The following DOCK8 variants were observed in gnomAD, a reference collection of about 807,000 sequenced individuals.
DOCK8 encodes the protein dedicator of cytokinesis protein 8.
DOCK8 carries 141 observed loss-of-function variants against 245.6 expected under a neutral mutation model. The observed-to-expected ratio is 0.57, with a 90% CI of 0.50 to 0.66. DOCK8 has a LOEUF of 0.66. Ranked by LOEUF, DOCK8 falls within the 30% of genes least tolerant of loss-of-function variation. DOCK8 has a pLI of 0.00. For missense variants in DOCK8, 2,965 were observed against 2,603.4 expected (o/e 1.14, Z -3.02); for synonymous variants, 1,168 against 970.2 (o/e 1.20, Z -3.79).
chr9:403,992 G>GTATA (rs1210095258), intron 26 of DOCK8, among the ~76,000 whole-genome samples: 12 of 68,462 alleles, frequency 1.8e-4, no homozygotes, highest in African/African-American at 9.8e-4. Context: ...ATATATATAT[G>GTATA]TGTATATATA....
intron 1 of DOCK8, among the ~76,000 whole-genome samples, chr9:264,475 T>TA (rs1248197474): frequency 3.3e-5 from 5 of 152,224 alleles, no homozygotes; most frequent in Non-Finnish European, 4.4e-5. Flanking sequence ...GTTGTACAGT[T>TA]ATGGCTTGTC....
At chr9:421,861 T>A (rs549409348) in intron 32 of DOCK8, among the ~76,000 whole-genome samples, 187 bp from the exon 33 acceptor site, 9 of 152,166 alleles carry the variant, frequency 5.9e-5, no homozygotes. Flanking sequence ...TTCTAGTCTA[T>A]CAATCAAAGA....
upstream of DOCK8, chr9:214,502 C>T (rs749047985): frequency 6.2e-7 from 1 of 1,612,542 alleles, no homozygotes; most frequent in Non-Finnish European, 8.5e-7. Context: ...CTTAATAACA[C>T]CTAGCCTTAC....
chr9:399,185 T>G lies in DOCK8; in HGVS notation c.3160T>G (p.Phe1054Val), dbSNP rs775539457. The change falls in exon 26 of 48, where the codon TTC becomes GTC. Residue 1054 changes from phenylalanine to valine, a missense_variant. Phe to Val is a conservative substitution (Grantham distance 50). Transcript: ENST00000432829. ...GGAAAAGATGAACATCAGCCTGGCT[T>G]TCTTCTTGTATGACCTTCTCTCCCT... ...QAEKMNISLAFFLYDLLSLMD... is the reference protein window; with the variant it reads ...QAEKMNISLAVFLYDLLSLMD... The G allele has an allele frequency of 1.9e-6, 3 of 1,614,070 alleles. No homozygotes were observed. The Admixed American group carries it at 5.0e-5, about 27-fold the overall frequency.
chr9:304,916 A>G (rs1480553091), intron 5 of DOCK8, among the ~76,000 whole-genome samples: 1 of 147,780 alleles, frequency 6.8e-6, no homozygotes, highest in African/African-American at 2.4e-5. Flanking sequence ...AATGATTAAA[A>G]TAGAAAAAAG....
intron 7 of DOCK8, among the ~76,000 whole-genome samples, chr9:323,876 A>G (rs1481635064): frequency 6.6e-6 from 1 of 152,216 alleles, no homozygotes; most frequent in Non-Finnish European, 1.5e-5. Flanking sequence ...CATTGTATAT[A>G]TGTAGCATAT....
intron 1 of DOCK8, among the ~76,000 whole-genome samples, chr9:255,815 A>G (rs960439497): frequency 6.6e-6 from 1 of 152,162 alleles, no homozygotes; most frequent in Admixed American, 6.5e-5. Context: ...TTATACAACA[A>G]ACATAGTATT....
chr9:398,483 AT>A (rs1307132756), intron 25 of DOCK8, among the ~76,000 whole-genome samples: 2 of 152,220 alleles, frequency 1.3e-5, no homozygotes, highest in African/African-American at 4.8e-5. Flanking sequence ...GAAAAACTGA[AT>A]CCCAGATTGC....
Position 404,950 on chromosome 9 carries a change from C to T in DOCK8, c.3267C>T (p.Leu1089=). The T allele has an allele frequency of 1.2e-6, 2 of 1,614,078 alleles. No individual in the cohort carries two copies. Among genetic ancestry groups the T allele is most frequent in the South Asian group, 1.1e-5 (1 of 91,078 alleles). Residue 1089 remains leucine (L), a synonymous_variant, in exon 27 of 48, where the codon CTC becomes CTT. Transcript: ENST00000432829. ...CCAAGCTCAGTAACCTTCCAACGCT[C>T]ATTTCCATGAGGCTAGAGTTCCTGA... is the stretch of plus-strand genomic sequence containing the variant. The part of the protein sequence containing the change: ...LSAKLSNLPT[L]ISMRLEFLRI...
At chr9:435,753 A>T (rs1158619922) in intron 39 of DOCK8, among the ~76,000 whole-genome samples, 2 of 152,220 alleles carry the variant, frequency 1.3e-5, no homozygotes, top group Non-Finnish European at 2.9e-5. Context: ...TCGGATGGGG[A>T]TGCTCAGTGG....
chr9:355,797 C>T (rs2052413287), intron 14 of DOCK8, among the ~76,000 whole-genome samples: 1 of 152,142 alleles, frequency 6.6e-6, no homozygotes, highest in African/African-American at 2.4e-5. Context: ...CCCTAACTCC[C>T]AACCGCACAC....
intron 22 of DOCK8, among the ~76,000 whole-genome samples, chr9:385,675 C>T (rs911300121): frequency 2.0e-5 from 3 of 152,162 alleles, no homozygotes; most frequent in Non-Finnish European, 2.9e-5. Flanking sequence ...CCCCTACCCC[C>T]CTGACAACTG....
chr9:355,853 A>G (rs1256560460), intron 14 of DOCK8, among the ~76,000 whole-genome samples: 1 of 152,238 alleles, frequency 6.6e-6, no homozygotes, highest in East Asian at 1.9e-4. Context: ...TATCAAATGT[A>G]CAGAGTACTG....
At chr9:335,077 G>C (rs1385444116) in intron 11 of DOCK8, among the ~76,000 whole-genome samples, 1 of 151,706 alleles carries the variant, frequency 6.6e-6, no homozygotes, top group Non-Finnish European at 1.5e-5. Context: ...GCATGACTTT[G>C]TCTCAAAAAA....
intron 5 of DOCK8, among the ~76,000 whole-genome samples, chr9:310,384 A>T (rs2050043247): frequency 2.6e-5 from 4 of 152,246 alleles, no homozygotes; most frequent in African/African-American, 9.6e-5. Context: ...TCACAAAGAA[A>T]TTAGTAACTT....
At chr9:393,114 A>AT (rs2054282270) in intron 24 of DOCK8, among the ~76,000 whole-genome samples, 2 of 125,680 alleles carry the variant, frequency 1.6e-5, no homozygotes, top group African/African-American at 9.4e-5. Context: ...AAAAAAAAAA[A>AT]GAAGAAGAAG....
At chr9:238,870 G>C (rs2047319941) in intron 1 of DOCK8, among the ~76,000 whole-genome samples, 1 of 152,204 alleles carries the variant, frequency 6.6e-6, no homozygotes, top group African/African-American at 2.4e-5. Flanking sequence ...TGGATGGCCA[G>C]AGTCTATCCC....
rs114960559 is a variant in DOCK8, at chr9:351,285, G to C, written c.1679+10964G>C. ...GACTGGATTGGACCTGGAGAAATCA[G>C]TTTTTCTATAGTCTTGTTTCTAGAG... On this transcript the variant is annotated intron_variant, in intron 14 of 47. Coordinates refer to ENST00000432829, the MANE Select transcript of DOCK8 (RefSeq NM_203447.4). 3.8e-3 allele frequency among the ~76,000 whole-genome samples: 584 copies of C among 152,316 alleles called. 6 individuals carry two copies. Among genetic ancestry groups the C allele is most frequent in the African/African-American group, 0.014 (569 of 41,548 alleles).
At chr9:221,014 G>T (rs2046870811) in intron 1 of DOCK8, among the ~76,000 whole-genome samples, 1 of 152,206 alleles carries the variant, frequency 6.6e-6, no homozygotes, top group African/African-American at 2.4e-5. Flanking sequence ...GTGTGTTTAA[G>T]TGTGGTTCCT....
Sources: gnomAD v4.1 joint callset for allele counts (sites outside exome capture counted in the v4.1 genomes callset) on GRCh38, gnomAD v4.1.1 for gene constraint, MANE v1.5 for transcripts, NCBI Gene and HGNC (gene_info 2026-07-23, HGNC 2026-07-21) for gene names.